Variants in CSMD3 observed in about 807,000 individuals in gnomAD.
CSMD3 encodes CUB and Sushi multiple domains 3.
CSMD3 carries 177 observed loss-of-function variants against 435.2 expected under a neutral mutation model. The ratio of observed to expected loss-of-function variants is 0.41; its 90% confidence interval spans 0.36 to 0.46. The LOEUF is 0.46. CSMD3 is among the 20% of genes least tolerant of loss of function. CSMD3 has a pLI of 0.34. For synonymous variants in CSMD3, 1,656 were observed against 1,520.5 expected (o/e 1.09, Z -2.07); for missense variants, 4,265 against 4,504.6 (o/e 0.95, Z 1.52).
intron 8 of CSMD3, among the ~76,000 whole-genome samples, chr8:112,951,700 T>G (rs2130816697): frequency 6.6e-6 from 1 of 151,870 alleles, no homozygotes; most frequent in African/African-American, 2.4e-5. Flanking sequence ...TCTTTTACCT[T>G]CTTAGTCTAG....
chr8:112,920,935 A>ACG (rs2082717320), intron 10 of CSMD3, among the ~76,000 whole-genome samples: 1 of 150,208 alleles, frequency 6.7e-6, no homozygotes, highest in African/African-American at 2.4e-5. Flanking sequence ...ACACACACAC[A>ACG]CACACGCACA....
At chr8:113,111,530 AT>A (rs1264630142) in intron 4 of CSMD3, among the ~76,000 whole-genome samples, 2 of 151,628 alleles carry the variant, frequency 1.3e-5, no homozygotes, top group Non-Finnish European at 2.9e-5. Context: ...TCTTATTCAC[AT>A]TTCCCCAGTT....
In CSMD3 at chr8:113,337,139, A is replaced by C. The variant is rs73341922; in HGVS notation, c.179-22346T>G. Among the ~76,000 whole-genome samples the C allele has an allele frequency of 2.9e-3, 441 of 152,188 alleles. 2 individuals carry two copies. Among genetic ancestry groups the C allele is most frequent in the African/African-American group, 9.8e-3 (406 of 41,536 alleles). ...TCATTTCCAAGTTACTGGCTTATTT[A>C]AGCCTGAGACTGAGATACTTGAAGT... On this transcript the variant is annotated intron_variant, in intron 1 of 70. Transcript: ENST00000297405.
chr8:112,530,527 G>A (rs1305551100), intron 27 of CSMD3, among the ~76,000 whole-genome samples: 1 of 152,086 alleles, frequency 6.6e-6, no homozygotes, highest in Admixed American at 6.6e-5. Context: ...AGAAAAAATA[G>A]CCTGCCACCA....
chr8:113,144,001 A>G (rs953615828), intron 4 of CSMD3, among the ~76,000 whole-genome samples: 1 of 151,378 alleles, frequency 6.6e-6, no homozygotes, highest in Admixed American at 6.6e-5. Context: ...ACGTGAATCC[A>G]CAATTATCTC....
intron 27 of CSMD3, among the ~76,000 whole-genome samples, chr8:112,525,590 G>A (rs1014370604): frequency 3.0e-4 from 44 of 147,954 alleles, no homozygotes; most frequent in African/African-American, 1.0e-3. Context: ...GCGTGGTGGC[G>A]GGCACCTGTA....
At position 113,045,196 on chromosome 8, in the gene CSMD3, C is replaced by G. The variant is rs139957580; in HGVS notation, c.918-26017G>C. The stretch of plus-strand genomic sequence containing the variant: ...CTAAACAAAACAAAACAAACAACAA[C>G]AAAAAAACTGCTTATGATACCAAGA... On this transcript the variant is annotated intron_variant, in intron 5 of 70. Coordinates refer to ENST00000297405, the MANE Select transcript of CSMD3 (RefSeq NM_198123.2). Among the ~76,000 whole-genome samples, 7 of 149,010 alleles carry G rather than the reference C, an allele frequency of 4.7e-5. No individual in the cohort carries two copies. The East Asian group carries it at 1.4e-3, about 29-fold the overall frequency.
chr8:113,139,667 A>T (rs1014085926), intron 4 of CSMD3, among the ~76,000 whole-genome samples: 2 of 151,058 alleles, frequency 1.3e-5, no homozygotes, highest in Non-Finnish European at 3.0e-5. Flanking sequence ...GAGAAAAGAA[A>T]ATGAAAAACA....
chr8:112,584,017 A>G (rs532918206), intron 23 of CSMD3, among the ~76,000 whole-genome samples: 52 of 151,940 alleles, frequency 3.4e-4, no homozygotes, highest in African/African-American at 1.3e-3. Flanking sequence ...CCTTTGACAA[A>G]TGACACAAAT....
chr8:113,184,035 G>A (rs558316184), intron 3 of CSMD3, among the ~76,000 whole-genome samples: 1 of 152,076 alleles, frequency 6.6e-6, no homozygotes, highest in South Asian at 2.1e-4. Flanking sequence ...CAAAAGTCTG[G>A]GCCTCTGGAA....
chr8:112,690,912 A>G (rs1049922750), intron 13 of CSMD3, among the ~76,000 whole-genome samples: 1 of 152,086 alleles, frequency 6.6e-6, no homozygotes, highest in African/African-American at 2.4e-5. Context: ...TGTAACTTTA[A>G]GATAAAGTTA....
chr8:112,864,936 G>A (rs2080934412), intron 10 of CSMD3, among the ~76,000 whole-genome samples: 1 of 152,046 alleles, frequency 6.6e-6, no homozygotes, highest in Non-Finnish European at 1.5e-5. Context: ...TGCCACCTGT[G>A]TTTTTATAAA....
intron 31 of CSMD3, among the ~76,000 whole-genome samples, chr8:112,476,076 G>T (rs1819018565): frequency 6.6e-6 from 1 of 151,672 alleles, no homozygotes; most frequent in South Asian, 2.1e-4. Flanking sequence ...ACCAAGTTTT[G>T]CTTTTGTTGC....
At chr8:113,055,135 C>A (rs1363194013) in intron 5 of CSMD3, among the ~76,000 whole-genome samples, 1 of 152,028 alleles carries the variant, frequency 6.6e-6, no homozygotes, top group Non-Finnish European at 1.5e-5. Flanking sequence ...TTTTATTCAA[C>A]ACTGTATTAT....
chr8:113,147,272 G>A (rs547828592), intron 4 of CSMD3, among the ~76,000 whole-genome samples: 49 of 151,312 alleles, frequency 3.2e-4, no homozygotes, highest in African/African-American at 1.2e-3. Flanking sequence ...GAGATAATGG[G>A]GATAAAGAAA....
chr8:113,210,290 T>C (rs142657539), intron 3 of CSMD3, among the ~76,000 whole-genome samples: 2 of 152,154 alleles, frequency 1.3e-5, no homozygotes, highest in African/African-American at 4.8e-5. Context: ...GTATGAGCAC[T>C]GGAATATCAT....
chr8:112,750,762 T>C (rs1408868592), intron 13 of CSMD3, among the ~76,000 whole-genome samples: 1 of 152,042 alleles, frequency 6.6e-6, no homozygotes, highest in African/African-American at 2.4e-5. Context: ...ATTCCTGCTA[T>C]TACAAATACA....
At position 112,550,838 on chromosome 8, in the gene CSMD3, T is replaced by C. The variant is rs776732607; in HGVS notation, c.4397A>G (p.His1466Arg). Residue 1466 changes from histidine to arginine, a missense_variant, in exon 27 of 71, where the codon CAT (histidine) becomes CGT (arginine). Physicochemically the swap from His to Arg is conservative, Grantham distance 29. This residue lies in a region of CSMD3 where 3,255 missense variants were observed against 3,380.2 expected (regional missense o/e 0.96). Coordinates refer to ENST00000297405, the MANE Select transcript of CSMD3 (RefSeq NM_198123.2). ...QFLAFDTEASHDILRVWDGPP... is the reference protein window; with the variant it reads ...QFLAFDTEASRDILRVWDGPP... The stretch of plus-strand genomic sequence containing the variant: ...ACCGTCCCAGACTCGGAGTATATCA[T>C]GTGATGCTTCCGTATCAAAAGCAAG... The C allele has an allele frequency of 1.9e-6, 3 of 1,612,514 alleles. No individual in the cohort carries two copies. In the South Asian group the frequency reaches 3.3e-5, roughly 18 times the overall value.
chr8:112,365,746 C>T (rs1334121785), intron 38 of CSMD3, among the ~76,000 whole-genome samples: 1 of 152,038 alleles, frequency 6.6e-6, no homozygotes, highest in Admixed American at 6.6e-5. Context: ...ATGGATAACT[C>T]ATTTTAAGAA....
Sources: gnomAD v4.1 joint callset for allele counts (sites outside exome capture counted in the v4.1 genomes callset) on GRCh38, gnomAD v4.1.1 for gene constraint, gnomAD v4.1.1 regional missense constraint, MANE v1.5 for transcripts, NCBI Gene and HGNC (gene_info 2026-07-23, HGNC 2026-07-21) for gene names.